LGALSL: variants seen among roughly 807,000 people sequenced by gnomAD.
LGALSL encodes the protein galectin-related protein.
LGALSL carries 13 observed loss-of-function variants against 19.5 expected under a neutral mutation model. The ratio of observed to expected loss-of-function variants is 0.67; its 90% confidence interval spans 0.43 to 1.06. LGALSL has a LOEUF of 1.06. Among genes scored for constraint, LGALSL ranks in the 50% least tolerant of loss-of-function variants. The pLI, the probability that LGALSL is intolerant of heterozygous loss-of-function variation, is 0.00. For synonymous variants in LGALSL, 86 were observed against 78.3 expected (o/e 1.10, Z -0.52); for missense variants, 189 against 219.3 (o/e 0.86, Z 0.87).
rs922246319 is a variant in LGALSL at position 64,454,214 on chromosome 2, G to C, written c.-332G>C. 1 of 395,038 alleles carries C rather than the reference G, an allele frequency of 2.5e-6. No individual in the cohort carries two copies. Among genetic ancestry groups the C allele is most frequent in the Non-Finnish European group, 4.5e-6 (1 of 223,770 alleles). The allele number at this position is 395,038 out of a possible 1,614,324, so 24.5% of individuals were successfully genotyped here. On this transcript the variant is annotated 5_prime_UTR_variant, in exon 1 of 5. Coordinates refer to ENST00000238875, the MANE Select transcript of LGALSL (RefSeq NM_014181.3). This position sits in a 1 kb window ranked among gnomAD's most constrained non-coding sequence, Gnocchi z 5.1. ...AGGCCTTTAAATGCTGCCCAGGGCCGACGCGGCACGGCCCTCGCCACTTTT... is the reference window on the plus strand; with the variant it reads ...AGGCCTTTAAATGCTGCCCAGGGCCCACGCGGCACGGCCCTCGCCACTTTT...
In LGALSL at chr2:64,454,277, G is replaced by A. The variant is rs1009332049; in HGVS notation, c.-269G>A. 2.3e-5 allele frequency: 9 copies of A among 395,712 alleles called. No individual in the cohort carries two copies. The highest frequency in any genetic ancestry group is 1.1e-4 in the East Asian group (3 of 27,896). The allele number at this position is 395,712 out of a possible 1,614,324, so 24.5% of individuals were successfully genotyped here. On this transcript the variant is annotated 5_prime_UTR_variant, in exon 1 of 5. Coordinates refer to ENST00000238875, the MANE Select transcript of LGALSL (RefSeq NM_014181.3). This position sits in a 1 kb window ranked among gnomAD's most constrained non-coding sequence, Gnocchi z 5.1. Reference sequence around the variant, plus strand: ...GCGGCAGCGGCAGCGGCAGCAAGCAGCCCCGTCGGCCCGGGTCCGGGGCCG... The same window carrying A: ...GCGGCAGCGGCAGCGGCAGCAAGCAACCCCGTCGGCCCGGGTCCGGGGCCG...
At chr2:64,458,034 C>G (rs1294690748) in intron 4 of LGALSL, among the ~76,000 whole-genome samples, 1 of 152,194 alleles carries the variant, frequency 6.6e-6, no homozygotes. Flanking sequence ...TCATAGCACA[C>G]TACCAGTAAT....
intron 4 of LGALSL, among the ~76,000 whole-genome samples, chr2:64,457,057 A>G (rs1686747651): frequency 6.6e-6 from 1 of 152,290 alleles, no homozygotes; most frequent in Admixed American, 6.5e-5. Context: ...TCTTCTGGGC[A>G]GGAAGCACAA....
At chr2:64,455,489 G>T in intron 2 of LGALSL, 74 bp downstream of exon 2, 11 of 1,509,600 alleles carry the variant, frequency 7.3e-6, no homozygotes, top group African/African-American at 1.4e-5. Flanking sequence ...TTATTCATTT[G>T]TTTATTGCAT....
chr2:64,457,670 G>T (rs1186727607), intron 4 of LGALSL, among the ~76,000 whole-genome samples: 1 of 152,142 alleles, frequency 6.6e-6, no homozygotes, highest in Admixed American at 6.5e-5. Context: ...GGGAAAATAA[G>T]AATCCATGAT....
At position 64,460,715 on chromosome 2, in the gene LGALSL, G is replaced by A. The variant is rs1240943992; in HGVS notation, c.*2287G>A. The A allele has an allele frequency of 6.6e-6, 1 of 152,138 alleles. No individual in the cohort carries two copies. Among genetic ancestry groups the A allele is most frequent in the African/African-American group, 2.4e-5 (1 of 41,424 alleles). The allele number at this position is 152,138 out of a possible 1,614,324, so 9.4% of individuals were successfully genotyped here. A position where few individuals can be genotyped will look rare whatever the true frequency, so the allele number is the denominator to read the frequency against. ...TTCAGGTATAGCCCAAATTAGTAAGGGGCTTTAGCTGTAAACTGAAAACAA... is the reference window on the plus strand; with the variant it reads ...TTCAGGTATAGCCCAAATTAGTAAGAGGCTTTAGCTGTAAACTGAAAACAA... On this transcript the variant is annotated 3_prime_UTR_variant, in exon 5 of 5. Transcript: ENST00000238875.
intron 3 of LGALSL, 79 bp downstream of exon 3, chr2:64,455,756 C>G (rs1558565595): frequency 9.9e-7 from 1 of 1,006,970 alleles, no homozygotes; most frequent in East Asian, 2.4e-5. Flanking sequence ...TTTAGCACTC[C>G]TCTTCCTCTC....
intron 4 of LGALSL, 73 bp from the exon 5 acceptor site, chr2:64,458,212 C>A: frequency 7.1e-7 from 1 of 1,399,668 alleles, no homozygotes; most frequent in Non-Finnish European, 1.0e-6. Context: ...CTTTCTTTCT[C>A]TAAAATGAAG....
chr2:64,456,913 G>C (rs1406907206), intron 4 of LGALSL, among the ~76,000 whole-genome samples: 1 of 152,048 alleles, frequency 6.6e-6, no homozygotes, highest in Non-Finnish European at 1.5e-5. Context: ...TGTTCCCTTT[G>C]CTAATGAGGC....
chr2:64,455,715 T>C, intron 3 of LGALSL, 38 bp downstream of exon 3: 1 of 1,480,550 alleles, frequency 6.8e-7, no homozygotes, highest in South Asian at 1.1e-5. Flanking sequence ...ACTATCAGGC[T>C]GTGGCTGAGC....
intron 1 of LGALSL, 51 bp from the exon 2 acceptor site, chr2:64,455,293 C>T (rs750559765): frequency 1.6e-6 from 2 of 1,222,890 alleles, no homozygotes; most frequent in Non-Finnish European, 2.4e-6. Context: ...CTTCCTCCAG[C>T]CCCCCAAAAA....
intron 3 of LGALSL, 28 bp from the exon 4 acceptor site, chr2:64,456,260 T>G: frequency 6.3e-7 from 1 of 1,599,622 alleles, no homozygotes; most frequent in African/African-American, 1.3e-5. Flanking sequence ...TATCCAACCC[T>G]TAATCAGTGG....
chr2:64,458,440 T>C lies in LGALSL; in HGVS notation c.*12T>C, dbSNP rs765554210. The C allele has an allele frequency of 6.2e-7, 1 of 1,609,826 alleles. No homozygotes were observed. Among genetic ancestry groups the C allele is most frequent in the East Asian group, 2.2e-5 (1 of 44,772 alleles). On this transcript the variant is annotated 3_prime_UTR_variant, in exon 5 of 5. Coordinates refer to ENST00000238875, the MANE Select transcript of LGALSL (RefSeq NM_014181.3). ...CCAAGCTTGGCTGATTTAAACCACCTCTATTTCAAATAGGATCACGTGCCA... is the reference window on the plus strand; with the variant it reads ...CCAAGCTTGGCTGATTTAAACCACCCCTATTTCAAATAGGATCACGTGCCA...
In LGALSL at chr2:64,461,303, A is replaced by G. The variant is rs1401941074; in HGVS notation, c.*2875A>G. 6.6e-6 allele frequency: 1 copy of G among 152,230 alleles called. No individual in the cohort carries two copies. Among genetic ancestry groups the G allele is most frequent in the Non-Finnish European group, 1.5e-5 (1 of 68,028 alleles). The allele number at this position is 152,230 out of a possible 1,614,324, so 9.4% of individuals were successfully genotyped here. A position where few individuals can be genotyped will look rare whatever the true frequency, so the allele number is the denominator to read the frequency against. On this transcript the variant is annotated 3_prime_UTR_variant, in exon 5 of 5. Coordinates refer to ENST00000238875, the MANE Select transcript of LGALSL (RefSeq NM_014181.3). ...CACTTTCTTATTTACTGTGTGGTGT[A>G]AAATGTTGCTAAATGTGTTGTTACA...
rs1014289817 is a variant in LGALSL, at chr2:64,458,873, CTT to C, written c.*453_*454del. On this transcript the variant is annotated 3_prime_UTR_variant, in exon 5 of 5. Transcript: ENST00000238875. ...AGAATGTAGGTTGTTCAAGGTTTGA[CTT>C]TTTTTTTGTTTTTTGTTTTTGTTTT... 6.5e-6 allele frequency: 1 copy of C among 152,788 alleles called. No homozygotes were observed. The highest frequency in any genetic ancestry group is 2.1e-4 in the South Asian group (1 of 4,824). The allele number at this position is 152,788 out of a possible 1,614,324, so 9.5% of individuals were successfully genotyped here. A position where few individuals can be genotyped will look rare whatever the true frequency, so the allele number is the denominator to read the frequency against.
At position 64,460,147 on chromosome 2, in the gene LGALSL, C is replaced by T. The variant is rs1686795440; in HGVS notation, c.*1719C>T. The T allele has an allele frequency of 6.6e-6, 1 of 151,774 alleles. No homozygotes were observed. Among genetic ancestry groups the T allele is most frequent in the Admixed American group, 6.6e-5 (1 of 15,244 alleles). The allele number at this position is 151,774 out of a possible 1,614,324, so 9.4% of individuals were successfully genotyped here. A position where few individuals can be genotyped will look rare whatever the true frequency, so the allele number is the denominator to read the frequency against. ...AATTATGAATTTTTTATAGGTGATA[C>T]ATTTGGATTCTTCTCAACTTTGAAA... On this transcript the variant is annotated 3_prime_UTR_variant, in exon 5 of 5. Coordinates refer to ENST00000238875, the MANE Select transcript of LGALSL (RefSeq NM_014181.3).
chr2:64,458,451 T>C lies in LGALSL; in HGVS notation c.*23T>C, dbSNP rs964264810. On this transcript the variant is annotated 3_prime_UTR_variant, in exon 5 of 5. Coordinates refer to ENST00000238875, the MANE Select transcript of LGALSL (RefSeq NM_014181.3). ...TGATTTAAACCACCTCTATTTCAAA[T>C]AGGATCACGTGCCACAACTATCTGA... 6.2e-7 allele frequency: 1 copy of C among 1,604,760 alleles called. No individual in the cohort carries two copies.
chr2:64,461,267 T>G lies in LGALSL; in HGVS notation c.*2839T>G, dbSNP rs970944384. On this transcript the variant is annotated 3_prime_UTR_variant, in exon 5 of 5. Coordinates refer to ENST00000238875, the MANE Select transcript of LGALSL (RefSeq NM_014181.3). ...AAATAATGTTCCTATGATGACATAT[T>G]TTCAAAGAAACACTTTCTTATTTAC... 2 of 152,244 alleles carry G rather than the reference T, an allele frequency of 1.3e-5. No homozygotes were observed. Among genetic ancestry groups the G allele is most frequent in the Non-Finnish European group, 2.9e-5 (2 of 68,050 alleles). 9.4% of individuals were successfully genotyped at this position (152,244 alleles called of 1,614,324 possible).
intron 2 of LGALSL, 44 bp downstream of exon 2, chr2:64,455,459 T>C: frequency 6.5e-7 from 1 of 1,545,008 alleles, no homozygotes; most frequent in South Asian, 1.1e-5. Context: ...CTTCCTCCTT[T>C]CTCATTGCTT....
Sources: allele counts gnomAD v4.1 joint callset (sites outside exome capture counted in the v4.1 genomes callset), GRCh38; gene constraint gnomAD v4.1.1; non-coding constraint Gnocchi (gnomAD v3.1); transcripts MANE v1.5; gene names NCBI Gene and HGNC (gene_info 2026-07-23, HGNC 2026-07-21).